FMO1: variants seen among roughly 807,000 people sequenced by gnomAD.
The protein encoded by FMO1 is flavin containing dimethylaniline monoxygenase 1.
In FMO1, 36 loss-of-function variants were observed where a neutral mutation model predicts 45.4. That is an observed-to-expected ratio of 0.79 (90% confidence interval 0.61 to 1.05). FMO1 has a LOEUF of 1.05. Ranked by LOEUF, FMO1 falls within the 50% of genes least tolerant of loss-of-function variation. FMO1 has a pLI of 0.00. For synonymous variants in FMO1, 228 were observed against 227.2 expected (o/e 1.00, Z -0.03); for missense variants, 615 against 640.3 (o/e 0.96, Z 0.43).
chr1:171,266,140 G>T lies in FMO1; in HGVS notation c.133-1403G>T, dbSNP rs535073484. The stretch of plus-strand genomic sequence containing the variant: ...GTTTTCAAAATAACCTTAAAACATC[G>T]CACATGATAATACAGTCCTATGGCA... On this transcript the variant is annotated intron_variant, in intron 2 of 8. Transcript: ENST00000617670. 1.3e-3 allele frequency among the ~76,000 whole-genome samples: 192 copies of T among 152,110 alleles called. 1 individual carries two copies. Among genetic ancestry groups the T allele is most frequent in the African/African-American group, 4.0e-3 (165 of 41,484 alleles).
chr1:171,253,153 G>A (rs1659973907), intron 1 of FMO1, among the ~76,000 whole-genome samples: 1 of 152,108 alleles, frequency 6.6e-6, no homozygotes, highest in Non-Finnish European at 1.5e-5. Context: ...CCGACTTTGT[G>A]TCCTTTTTTC....
At position 171,282,033 on chromosome 1, in the gene FMO1, G is replaced by C; in HGVS notation, c.883G>C (p.Gly295Arg). The change falls in exon 7 of 9, where the codon GGG becomes CGG. Residue 295 changes from glycine (G) to arginine (R), a missense_variant. Coordinates refer to ENST00000617670, the MANE Select transcript of FMO1 (RefSeq NM_001282693.2). ...NDELPGRIIT[G>R]KVFIRPSIKE... is the part of the protein sequence containing the mutation. ...TGAGCTCCCAGGACGCATCATCACT[G>C]GGAAAGTGTTCATCAGGCCAAGCAT... is the stretch of plus-strand genomic sequence containing the variant. 4 of 1,613,458 alleles carry C rather than the reference G, an allele frequency of 2.5e-6. No individual in the cohort carries two copies. Among genetic ancestry groups the C allele is most frequent in the Non-Finnish European group, 3.4e-6 (4 of 1,179,840 alleles).
intron 2 of FMO1, among the ~76,000 whole-genome samples, chr1:171,262,875 G>A (rs897685696): frequency 2.0e-5 from 3 of 152,126 alleles, no homozygotes; most frequent in Admixed American, 1.3e-4. Flanking sequence ...GTCCTCCAGT[G>A]AGAGTCTGAC....
chr1:171,265,836 C>G (rs1038407499), intron 2 of FMO1, among the ~76,000 whole-genome samples: 2 of 152,204 alleles, frequency 1.3e-5, no homozygotes, highest in African/African-American at 4.8e-5. Context: ...TGTATCTAAA[C>G]TATTTCTAAA....
intron 2 of FMO1, among the ~76,000 whole-genome samples, chr1:171,260,160 G>C (rs572069289): frequency 6.6e-6 from 1 of 152,312 alleles, no homozygotes; most frequent in Admixed American, 6.5e-5. Context: ...GTACACGTAA[G>C]AGGAAGAATG....
Position 171,267,849 on chromosome 1 carries a change from C to G in FMO1, c.321+118C>G, listed in dbSNP as rs1660682540. 13 of 682,074 alleles carry G rather than the reference C, an allele frequency of 1.9e-5. No homozygotes were observed. The South Asian group carries it at 2.6e-4, about 14-fold the overall frequency. The allele number at this position is 682,074 out of a possible 1,614,324, so 42.3% of individuals were successfully genotyped here. Reference sequence around the variant, plus strand: ...TACTAAACTGGCAATATTAATGACACCTGGCTGTATTTATTTTCTCCCTAT... The same window carrying G: ...TACTAAACTGGCAATATTAATGACAGCTGGCTGTATTTATTTTCTCCCTAT... On this transcript the variant is annotated intron_variant, in intron 3 of 8. Coordinates refer to ENST00000617670, the MANE Select transcript of FMO1 (RefSeq NM_001282693.2).
intron 7 of FMO1, 76 bp from the exon 8 acceptor site, chr1:171,283,068 A>C: frequency 2.5e-6 from 2 of 790,380 alleles, no homozygotes; most frequent in Non-Finnish European, 4.3e-6. Context: ...GAGCCATAGT[A>C]AAGCATCTTT....
chr1:171,277,444 T>A (rs1020540394), intron 4 of FMO1, among the ~76,000 whole-genome samples: 125 of 152,218 alleles, frequency 8.2e-4, no homozygotes, highest in African/African-American at 2.9e-3. Context: ...TATTATAAAT[T>A]TTTTTCTTAG....
chr1:171,283,264 G>GAAAAAAAAAAA (rs1661445874), intron 8 of FMO1, 48 bp downstream of exon 8: 1 of 46,076 alleles, frequency 2.2e-5, no homozygotes, highest in Non-Finnish European at 4.5e-5. Flanking sequence ...ACTGAAATTG[G>GAAAAAAAAAAA]TAAAAAAAAA....
At chr1:171,275,647 T>C (rs955673112) in intron 4 of FMO1, 139 bp downstream of exon 4, 1 of 622,976 alleles carries the variant, frequency 1.6e-6, no homozygotes, top group Non-Finnish European at 2.6e-6. Flanking sequence ...TTTTGTTTTG[T>C]TTTGTTTTTT....
chr1:171,266,984 G>A (rs1316579703), intron 2 of FMO1, among the ~76,000 whole-genome samples: 1 of 152,170 alleles, frequency 6.6e-6, no homozygotes, highest in African/African-American at 2.4e-5. Flanking sequence ...GGAAACCTTT[G>A]ACTGCTTCCT....
At chr1:171,284,728 T>TAAAAAAAAAAAAAAAAAAAA (rs36009487) in intron 8 of FMO1, among the ~76,000 whole-genome samples, 1 of 106,860 alleles carries the variant, frequency 9.4e-6, no homozygotes, top group Non-Finnish European at 2.0e-5. Flanking sequence ...CAAGACCTTG[T>TAAAAAAAAAAAAAAAAAAAA]AAAAAAAAAA....
At chr1:171,269,686 T>C (rs1571345069) in intron 3 of FMO1, among the ~76,000 whole-genome samples, 1 of 152,176 alleles carries the variant, frequency 6.6e-6, no homozygotes, top group East Asian at 1.9e-4. Flanking sequence ...AATTGTTCCC[T>C]AAACTGCTAA....
rs560933155 is a variant in FMO1 at position 171,261,609 on chromosome 1, C to T, written c.132+3390C>T. Among the ~76,000 whole-genome samples, 3 of 152,180 alleles carry T rather than the reference C, an allele frequency of 2.0e-5. No individual in the cohort carries two copies. In the South Asian group the frequency reaches 6.2e-4, roughly 32 times the overall value. ...CATAAATTACTGCATTTTGGCCAGG[C>T]GCGGTGGCTCATGCCTGTAATCCCA... On this transcript the variant is annotated intron_variant, in intron 2 of 8. Coordinates refer to ENST00000617670, the MANE Select transcript of FMO1 (RefSeq NM_001282693.2).
At chr1:171,262,413 C>T (rs537151126) in intron 2 of FMO1, among the ~76,000 whole-genome samples, 1 of 152,328 alleles carries the variant, frequency 6.6e-6, no homozygotes, top group South Asian at 2.1e-4. Context: ...CATCCTTCAC[C>T]TCCCTGTAAC....
intron 5 of FMO1, among the ~76,000 whole-genome samples, chr1:171,279,945 A>C (rs17642661): frequency 0.019 from 2,875 of 152,094 alleles, 40 homozygotes; most frequent in Non-Finnish European, 0.025. Flanking sequence ...TTCTATTACA[A>C]TCTACCTTTA....
At chr1:171,260,448 A>G (rs12144402) in intron 2 of FMO1, among the ~76,000 whole-genome samples, 2,174 of 152,198 alleles carry the variant, frequency 0.014, 21 homozygotes, top group African/African-American at 0.024. Flanking sequence ...CAAGGTGGGG[A>G]GACAAGAGAT....
Position 171,282,275 on chromosome 1 carries a change from G to T in FMO1, c.1125G>T (p.Leu375Phe), listed in dbSNP as rs1661391779. The T allele has an allele frequency of 1.2e-6, 2 of 1,613,826 alleles. No homozygotes were observed. The highest frequency in any genetic ancestry group is 2.7e-5 in the African/African-American group (2 of 74,992). The change falls in exon 7 of 9, where the codon TTG (leucine) becomes TTT (phenylalanine). Residue 375 changes from leucine (L) to phenylalanine (F), a missense_variant. Leu to Phe is a conservative substitution (Grantham distance 22). Coordinates refer to ENST00000617670, the MANE Select transcript of FMO1 (RefSeq NM_001282693.2). ...TLAIIGLIKPLGSMIPTGETQ... is the reference protein window; with the variant it reads ...TLAIIGLIKPFGSMIPTGETQ... ...CCATTATTGGCCTCATCAAACCCTT[G>T]GGCTCCATGATACCTACAGGAGAAA...
chr1:171,285,168 C>T (rs1161530752), intron 8 of FMO1, 34 bp from the exon 9 acceptor site: 6 of 1,406,380 alleles, frequency 4.3e-6, no homozygotes, highest in Admixed American at 4.4e-5. Context: ...GTTTTTTTGT[C>T]TTCACCTTTT....
Sources: allele counts gnomAD v4.1 joint callset (sites outside exome capture counted in the v4.1 genomes callset), GRCh38; gene constraint gnomAD v4.1.1; transcripts MANE v1.5; gene names NCBI Gene and HGNC (gene_info 2026-07-23, HGNC 2026-07-21).